Variants in AGPAT3 observed in about 807,000 individuals in gnomAD.
AGPAT3 encodes 1-acylglycerol-3-phosphate O-acyltransferase 3, also known as 1-acyl-sn-glycerol-3-phosphate acyltransferase gamma.
AGPAT3 carries 5 observed loss-of-function variants against 47.3 expected under a neutral mutation model. The observed-to-expected ratio is 0.11, with a 90% confidence interval of 0.06 to 0.22. AGPAT3 has a LOEUF of 0.22. Ranked by LOEUF, AGPAT3 falls within the 10% of genes least tolerant of loss-of-function variation. AGPAT3 has a pLI of 1.00. For missense variants in AGPAT3, 315 were observed against 493.0 expected (o/e 0.64, Z 3.42); for synonymous variants, 212 against 208.3 (o/e 1.02, Z -0.15).
intron 1 of AGPAT3, among the ~76,000 whole-genome samples, chr21:43,877,617 T>C (rs1194663438): frequency 6.6e-6 from 1 of 152,150 alleles, no homozygotes; most frequent in Non-Finnish European, 1.5e-5. Flanking sequence ...TATTTTTTTG[T>C]ATTTTTAATA....
At chr21:43,945,022 C>T (rs976064977) in intron 2 of AGPAT3, among the ~76,000 whole-genome samples, 2 of 152,224 alleles carry the variant, frequency 1.3e-5, no homozygotes, top group Non-Finnish European at 1.5e-5. Flanking sequence ...GACCCTTTCT[C>T]AGAAGCCCAG....
intron 2 of AGPAT3, among the ~76,000 whole-genome samples, chr21:43,943,050 G>A (rs974652211): frequency 6.6e-6 from 1 of 152,180 alleles, no homozygotes; most frequent in Non-Finnish European, 1.5e-5. Context: ...GCATGGTCAT[G>A]CTGGGACATC....
intron 7 of AGPAT3, among the ~76,000 whole-genome samples, chr21:43,974,641 G>A (rs556724659): frequency 6.6e-6 from 1 of 151,248 alleles, no homozygotes; most frequent in South Asian, 2.1e-4. Flanking sequence ...TATGTGTGGT[G>A]TGGTGTGTAT....
At chr21:43,919,533 C>G (rs2086840920) in intron 2 of AGPAT3, among the ~76,000 whole-genome samples, 1 of 152,182 alleles carries the variant, frequency 6.6e-6, no homozygotes, top group Non-Finnish European at 1.5e-5. Flanking sequence ...GTTCTTTATT[C>G]ACTCTTCGGT....
chr21:43,876,161 G>A (rs930957536), intron 1 of AGPAT3, among the ~76,000 whole-genome samples: 3 of 151,670 alleles, frequency 2.0e-5, no homozygotes, highest in African/African-American at 7.3e-5. Context: ...TTCCAAGTTT[G>A]CCTCTCCTCT....
chr21:43,871,438 A>G (rs571676771), intron 1 of AGPAT3, among the ~76,000 whole-genome samples: 92 of 152,348 alleles, frequency 6.0e-4, no homozygotes, highest in Non-Finnish European at 1.2e-3. Context: ...AAAGCCTGCA[A>G]AAAATAATGT....
chr21:43,929,280 T>C (rs2087160717), intron 2 of AGPAT3, among the ~76,000 whole-genome samples: 1 of 152,188 alleles, frequency 6.6e-6, no homozygotes, highest in African/African-American at 2.4e-5. Context: ...CGGGCCTGGC[T>C]CTGGGCCGCA....
chr21:43,931,673 T>G (rs1412696189), intron 2 of AGPAT3, among the ~76,000 whole-genome samples: 1 of 152,140 alleles, frequency 6.6e-6, no homozygotes, highest in Non-Finnish European at 1.5e-5. Flanking sequence ...TGATTGACAC[T>G]GAGCATCCCC....
chr21:43,874,012 A>T (rs997418360), intron 1 of AGPAT3, among the ~76,000 whole-genome samples: 1 of 152,110 alleles, frequency 6.6e-6, no homozygotes, highest in Admixed American at 6.5e-5. Flanking sequence ...TTAGTTTCTT[A>T]ATTTTCAACT....
intron 2 of AGPAT3, among the ~76,000 whole-genome samples, chr21:43,944,116 C>T (rs1040970253): frequency 1.3e-5 from 2 of 152,250 alleles, no homozygotes; most frequent in African/African-American, 2.4e-5. Context: ...AGTATGGAAA[C>T]GAGCCACAGC....
At chr21:43,947,321 T>C (rs866499870) in intron 2 of AGPAT3, among the ~76,000 whole-genome samples, 40 of 152,200 alleles carry the variant, frequency 2.6e-4, no homozygotes, top group African/African-American at 8.9e-4. Context: ...AGAAGTGGCC[T>C]GGGGGCCCTG....
rs1364101782 is a variant in AGPAT3 at position 43,981,601 on chromosome 21, G to A, written c.1042+414G>A. ...TGACCCCCAGTGACTTCCCCACTGT[G>A]TGCCCACCCCAGGCACAATGCCAGG... On this transcript the variant is annotated intron_variant, in intron 9 of 9. Transcript: ENST00000291572. The surrounding 1 kb of genome is among the most constrained non-coding windows in gnomAD (Gnocchi z 5.3). 7.2e-5 allele frequency among the ~76,000 whole-genome samples: 11 copies of A among 152,188 alleles called. No homozygotes were observed. The highest frequency in any genetic ancestry group is 2.7e-4 in the African/African-American group (11 of 41,506).
At chr21:43,947,973 A>C (rs966009238) in intron 2 of AGPAT3, among the ~76,000 whole-genome samples, 1 of 152,186 alleles carries the variant, frequency 6.6e-6, no homozygotes, top group African/African-American at 2.4e-5. Context: ...GCTGTTTCTC[A>C]CAAATGTATA....
rs1359056567 is a variant in AGPAT3 at position 43,908,221 on chromosome 21, C to G, written c.-49+4202C>G. Among the ~76,000 whole-genome samples, 1 of 152,118 alleles carries G rather than the reference C, an allele frequency of 6.6e-6. No homozygotes were observed. The highest frequency in any genetic ancestry group is 2.4e-5 in the African/African-American group (1 of 41,408). ...TGCCCTAAAGCACAAAATACCAGGGCTTGGGGTGAATTTGGTGATATCCAG... is the reference window on the plus strand; with the variant it reads ...TGCCCTAAAGCACAAAATACCAGGGGTTGGGGTGAATTTGGTGATATCCAG... On this transcript the variant is annotated intron_variant, in intron 2 of 9. Transcript: ENST00000291572. The surrounding 1 kb of genome is among the most constrained non-coding windows in gnomAD (Gnocchi z 4.9).
intron 1 of AGPAT3, among the ~76,000 whole-genome samples, chr21:43,890,988 TTGGCCTCCCAAAG>T (rs1372441550): frequency 2.0e-5 from 3 of 152,182 alleles, no homozygotes; most frequent in Non-Finnish European, 4.4e-5. Flanking sequence ...GCTGCCTGCC[TTGGCCTCCCAAAG>T]TACTGGGATT....
chr21:43,895,487 T>C (rs998648878), intron 1 of AGPAT3, among the ~76,000 whole-genome samples: 1 of 151,232 alleles, frequency 6.6e-6, no homozygotes, highest in Non-Finnish European at 1.5e-5. Context: ...TTAGGCTGCG[T>C]CAGCCTATAT....
At chr21:43,969,365 G>A in intron 5 of AGPAT3, 86 bp downstream of exon 5, 1 of 1,552,306 alleles carries the variant, frequency 6.4e-7, no homozygotes, top group East Asian at 2.3e-5. Context: ...ATCCCAGGCT[G>A]GGAAACCCCA....
intron 2 of AGPAT3, among the ~76,000 whole-genome samples, chr21:43,935,816 C>T (rs1044110495): frequency 6.6e-6 from 1 of 152,204 alleles, no homozygotes; most frequent in African/African-American, 2.4e-5. Context: ...CAGACTCAGG[C>T]CCACAGCACC....
At chr21:43,979,929 C>T (rs2089779585) in intron 8 of AGPAT3, among the ~76,000 whole-genome samples, 1 of 152,096 alleles carries the variant, frequency 6.6e-6, no homozygotes, top group African/African-American at 2.4e-5. Flanking sequence ...AAGAGATCAA[C>T]TAGAAAAAAT....
Sources: gnomAD v4.1 joint callset for allele counts (sites outside exome capture counted in the v4.1 genomes callset) on GRCh38, gnomAD v4.1.1 for gene constraint, Gnocchi (gnomAD v3.1) non-coding constraint, MANE v1.5 for transcripts, NCBI Gene and HGNC (gene_info 2026-07-23, HGNC 2026-07-21) for gene names.